Variants in GALK2 observed in about 807,000 individuals in gnomAD.
GALK2 encodes the protein galactokinase 2.
GALK2 carries 36 observed loss-of-function variants against 52.4 expected under a neutral mutation model. The ratio of observed to expected loss-of-function variants is 0.69; its 90% confidence interval spans 0.53 to 0.91. The LOEUF is 0.91. Among genes scored for constraint, GALK2 ranks in the 40% least tolerant of loss-of-function variants. GALK2 has a pLI of 0.00. For synonymous variants in GALK2, 176 were observed against 199.1 expected (o/e 0.88, Z 0.98); for missense variants, 579 against 559.1 (o/e 1.04, Z -0.36).
chr15:49,218,317 G>A (rs79222426), intron 3 of GALK2, among the ~76,000 whole-genome samples: 9,188 of 152,148 alleles, frequency 0.06, 555 homozygotes, highest in African/African-American at 0.15. Flanking sequence ...ATTATGTCAA[G>A]CATATTTTCG....
intron 1 of GALK2, among the ~76,000 whole-genome samples, chr15:49,190,965 C>T (rs2086684736): frequency 6.6e-6 from 1 of 152,078 alleles, no homozygotes; most frequent in Non-Finnish European, 1.5e-5. Context: ...CAGTTAAACC[C>T]CTTTAAATTT....
intron 7 of GALK2, among the ~76,000 whole-genome samples, chr15:49,286,117 A>G (rs1008896312): frequency 6.6e-6 from 1 of 152,150 alleles, no homozygotes; most frequent in Admixed American, 6.5e-5. Flanking sequence ...AGCCCCCTTT[A>G]TATTTTGAAG....
intron 2 of GALK2, among the ~76,000 whole-genome samples, chr15:49,203,401 G>GT (rs2087962979): frequency 6.6e-6 from 1 of 151,984 alleles, no homozygotes; most frequent in African/African-American, 2.4e-5. Context: ...GTTGAGTTAA[G>GT]TTTTTTATAT....
intron 5 of GALK2, among the ~76,000 whole-genome samples, chr15:49,260,801 C>T (rs1307799193): frequency 3.3e-5 from 5 of 152,106 alleles, no homozygotes; most frequent in African/African-American, 1.2e-4. Flanking sequence ...CCAGTTTTCC[C>T]AGCACCATTT....
chr15:49,268,076 A>G (rs764237460), intron 5 of GALK2, among the ~76,000 whole-genome samples: 4 of 152,170 alleles, frequency 2.6e-5, no homozygotes, highest in African/African-American at 7.2e-5. Flanking sequence ...TTGACATTGT[A>G]TATTCATTTG....
chr15:49,332,670 A>G (rs973379428), downstream of GALK2, among the ~76,000 whole-genome samples: 1 of 152,252 alleles, frequency 6.6e-6, no homozygotes. Context: ...TTCACTGGCA[A>G]TTTTCAAGTG....
chr15:49,213,122 T>A (rs1275237083), intron 2 of GALK2, among the ~76,000 whole-genome samples: 1 of 152,214 alleles, frequency 6.6e-6, no homozygotes, highest in African/African-American at 2.4e-5. Flanking sequence ...TATAGGCATC[T>A]ATCCTTCTTT....
intron 3 of GALK2, among the ~76,000 whole-genome samples, chr15:49,362,815 AG>A (rs2044479492): frequency 6.6e-6 from 1 of 152,128 alleles, no homozygotes; most frequent in Non-Finnish European, 1.5e-5. Context: ...CGTGTATGGA[AG>A]GGGTCCAGTT....
intron 1 of GALK2, among the ~76,000 whole-genome samples, chr15:49,195,490 A>G (rs373332417): frequency 6.6e-6 from 1 of 152,160 alleles, no homozygotes; most frequent in Admixed American, 6.5e-5. Context: ...CATTAATTAT[A>G]TTTTCTTTAC....
At chr15:49,342,389 T>A (rs560318136) in intron 3 of GALK2, among the ~76,000 whole-genome samples, 2 of 152,318 alleles carry the variant, frequency 1.3e-5, no homozygotes, top group South Asian at 4.1e-4. Flanking sequence ...TAGAACTTTC[T>A]CCAGTCCTTT....
intron 5 of GALK2, among the ~76,000 whole-genome samples, chr15:49,242,165 T>G (rs1235567051): frequency 2.0e-5 from 3 of 152,222 alleles, no homozygotes; most frequent in Non-Finnish European, 4.4e-5. Flanking sequence ...GATGAGCTAG[T>G]TCAAAATGCT....
intron 5 of GALK2, among the ~76,000 whole-genome samples, chr15:49,256,937 G>A (rs1239094767): frequency 6.6e-6 from 1 of 152,076 alleles, no homozygotes; most frequent in Non-Finnish European, 1.5e-5. Context: ...TAATTTCCTG[G>A]TGATGACATA....
At chr15:49,277,161 T>A (rs1172318560) in intron 5 of GALK2, among the ~76,000 whole-genome samples, 351 of 19,304 alleles carry the variant, frequency 0.018, 52 homozygotes, top group African/African-American at 0.078. Flanking sequence ...TTTTTTTTTT[T>A]TTTTTTTTTT....
chr15:49,313,299 G>A (rs546070471), intron 8 of GALK2, among the ~76,000 whole-genome samples: 13 of 152,338 alleles, frequency 8.5e-5, no homozygotes, highest in African/African-American at 3.1e-4. Flanking sequence ...TGGCACATGG[G>A]TTGTTTGTAA....
chr15:49,349,963 T>TTAACTTTGTTGG (rs1471363997), intron 3 of GALK2, among the ~76,000 whole-genome samples: 1 of 152,170 alleles, frequency 6.6e-6, no homozygotes, highest in East Asian at 1.9e-4. Flanking sequence ...AGATGGGAAA[T>TTAACTTTGTTGG]TAACTTTGTT....
intron 5 of GALK2, among the ~76,000 whole-genome samples, chr15:49,246,269 T>G (rs1002221258): frequency 1.3e-5 from 2 of 152,184 alleles, no homozygotes; most frequent in African/African-American, 4.8e-5. Context: ...AATCTTAGAA[T>G]AGAAATAGCT....
rs71120671 is a variant in GALK2, at chr15:49,178,195, CTATATATATATATATATA to C, written c.53+7835_53+7852del. Among the ~76,000 whole-genome samples the C allele has an allele frequency of 3.0e-3, 152 of 50,532 alleles. 1 individual carries two copies. Among genetic ancestry groups the C allele is most frequent in the African/African-American group, 6.1e-3 (76 of 12,556 alleles). The allele number at this position is 50,532 out of a possible 152,430, so 33.2% of individuals were successfully genotyped here. On this transcript the variant is annotated intron_variant, in intron 1 of 9. Transcript: ENST00000560031. ...AAAAAAAAAAAAAAAAAAAGAAATA[CTATATATATATATATATA>C]TATATATATATATAGAAATAAAATG... is the stretch of plus-strand genomic sequence containing the variant.
intron 3 of GALK2, among the ~76,000 whole-genome samples, chr15:49,227,141 A>G (rs1051278297): frequency 6.6e-6 from 1 of 152,178 alleles, no homozygotes; most frequent in African/African-American, 2.4e-5. Flanking sequence ...TGTTAGGTCT[A>G]TTTGGTCAGT....
chr15:49,219,494 A>G (rs1353477974), intron 3 of GALK2, among the ~76,000 whole-genome samples: 1 of 152,170 alleles, frequency 6.6e-6, no homozygotes, highest in African/African-American at 2.4e-5. Flanking sequence ...CAGCATGAAA[A>G]TGAACTAATA....
Sources: gnomAD v4.1 joint callset for allele counts (sites outside exome capture counted in the v4.1 genomes callset) on GRCh38, gnomAD v4.1.1 for gene constraint, MANE v1.5 for transcripts, NCBI Gene and HGNC (gene_info 2026-07-23, HGNC 2026-07-21) for gene names.